The following SCUBE1 variants were observed in gnomAD, a reference collection of about 807,000 sequenced individuals.
The protein encoded by SCUBE1 is signal peptide, CUB and EGF-like domain-containing protein 1.
SCUBE1 carries 59 observed loss-of-function variants against 124.4 expected under a neutral mutation model. The observed-to-expected ratio is 0.47, with a 90% CI of 0.38 to 0.59. The LOEUF is 0.59. Ranked by LOEUF, SCUBE1 falls within the 20% of genes least tolerant of loss-of-function variation. The pLI, the probability that SCUBE1 is intolerant of heterozygous loss-of-function variation, is 0.00. For missense variants in SCUBE1, 1,150 were observed against 1,371.2 expected (o/e 0.84, Z 2.55); for synonymous variants, 545 against 550.9 (o/e 0.99, Z 0.15).
chr22:43,322,248 G>T (rs553873013), intron 2 of SCUBE1, among the ~76,000 whole-genome samples: 2 of 152,286 alleles, frequency 1.3e-5, no homozygotes, highest in South Asian at 2.1e-4. Context: ...CTCCCAAAGT[G>T]CTGGGATTAC....
At chr22:43,277,639 A>G (rs1387726741) in intron 4 of SCUBE1, among the ~76,000 whole-genome samples, 1 of 152,118 alleles carries the variant, frequency 6.6e-6, no homozygotes, top group South Asian at 2.1e-4. Flanking sequence ...TTCAGCCTCC[A>G]TTTGCTCACC....
intron 3 of SCUBE1, among the ~76,000 whole-genome samples, chr22:43,295,697 T>C (rs1925530629): frequency 6.6e-6 from 1 of 152,216 alleles, no homozygotes; most frequent in Admixed American, 6.5e-5. Context: ...CTCCTGGAAC[T>C]GCCTCCCCTC....
Position 43,297,480 on chromosome 22 carries a change from A to G in SCUBE1, c.350-6300T>C, listed in dbSNP as rs185434347. Among the ~76,000 whole-genome samples the G allele has an allele frequency of 8.3e-3, 1,262 of 151,804 alleles. 9 individuals carry two copies. The highest frequency in any genetic ancestry group is 0.014 in the Non-Finnish European group (921 of 67,940). ...TCAGCTGTGACTCTTGCCCATCTCC[A>G]CTCGGTCCTCACAGGCGCAGGCCAC... On this transcript the variant is annotated intron_variant, in intron 3 of 21. Coordinates refer to ENST00000360835, the MANE Select transcript of SCUBE1 (RefSeq NM_173050.5).
chr22:43,237,569 G>A (rs1244220855), intron 7 of SCUBE1: 1 of 152,256 alleles, frequency 6.6e-6, no homozygotes, highest in East Asian at 1.9e-4. Context: ...CTATTAACAG[G>A]CTGAGCGGTG....
chr22:43,236,089 A>G (rs1178470734), intron 7 of SCUBE1, among the ~76,000 whole-genome samples: 1 of 152,168 alleles, frequency 6.6e-6, no homozygotes, highest in Non-Finnish European at 1.5e-5. Context: ...TGGCTTTCAG[A>G]AAACGTGGAG....
chr22:43,330,264 G>A (rs1341170026), intron 2 of SCUBE1, among the ~76,000 whole-genome samples: 1 of 152,084 alleles, frequency 6.6e-6, no homozygotes, highest in South Asian at 2.1e-4. Flanking sequence ...GGACCAAAAT[G>A]CAGACCTCTA....
intron 4 of SCUBE1, among the ~76,000 whole-genome samples, chr22:43,263,120 C>A (rs1004456922): frequency 6.6e-6 from 1 of 152,156 alleles, no homozygotes; most frequent in Non-Finnish European, 1.5e-5. Flanking sequence ...ACCTCGTGAC[C>A]CACGGAGACC....
chr22:43,302,233 G>A (rs1925801399), intron 3 of SCUBE1, among the ~76,000 whole-genome samples: 1 of 152,190 alleles, frequency 6.6e-6, no homozygotes, highest in African/African-American at 2.4e-5. Context: ...AGTGCATGAC[G>A]GGATCCATGT....
In SCUBE1 at chr22:43,258,703, C is replaced by T. The variant is rs879779798; in HGVS notation, c.611-368G>A. Among the ~76,000 whole-genome samples the T allele has an allele frequency of 6.6e-6, 1 of 152,166 alleles. No homozygotes were observed. The highest frequency in any genetic ancestry group is 1.5e-5 in the Non-Finnish European group (1 of 68,022). On this transcript the variant is annotated intron_variant, in intron 5 of 21. Transcript: ENST00000360835. The surrounding 1 kb of genome is among the most constrained non-coding windows in gnomAD (Gnocchi z 5.0). ...CCTGTCTTGATGGGGCAAATGTTTG[C>T]CAATGCCAGGACATACTTGTCAAGC...
At chr22:43,242,570 G>A (rs1277962864) in intron 6 of SCUBE1, among the ~76,000 whole-genome samples, 2 of 152,252 alleles carry the variant, frequency 1.3e-5, no homozygotes, top group African/African-American at 4.8e-5. Context: ...CCTACCAGGG[G>A]CTGACATTAT....
In SCUBE1 at chr22:43,211,178, G is replaced by A. The variant is rs1282333615; in HGVS notation, c.2222-95C>T. ...TCCCCAGGACCTCTCATGCCCTCGAGGTCTGTTTTGGCACAGAGTTCAAGG... is the reference window on the plus strand; with the variant it reads ...TCCCCAGGACCTCTCATGCCCTCGAAGTCTGTTTTGGCACAGAGTTCAAGG... On this transcript the variant is annotated intron_variant, in intron 17 of 21. Transcript: ENST00000360835. This position sits in a 1 kb window ranked among gnomAD's most constrained non-coding sequence, Gnocchi z 4.5. 1 of 1,318,380 alleles carries A rather than the reference G, an allele frequency of 7.6e-7. No homozygotes were observed. Among genetic ancestry groups the A allele is most frequent in the Non-Finnish European group, 1.0e-6 (1 of 952,558 alleles). The allele number at this position is 1,318,380 out of a possible 1,614,324, so 81.7% of individuals were successfully genotyped here. A position where few individuals can be genotyped will look rare whatever the true frequency, so the allele number is the denominator to read the frequency against.
At chr22:43,240,110 G>C (rs1467035740) in intron 6 of SCUBE1, among the ~76,000 whole-genome samples, 4 of 152,128 alleles carry the variant, frequency 2.6e-5, no homozygotes, top group African/African-American at 9.7e-5. Context: ...TCCCCTCTGT[G>C]TGTGTGTGCG....
At chr22:43,250,218 C>T (rs1272508369) in intron 6 of SCUBE1, among the ~76,000 whole-genome samples, 5 of 152,244 alleles carry the variant, frequency 3.3e-5, no homozygotes, top group Admixed American at 3.3e-4. Flanking sequence ...TTTCCCTCTC[C>T]TCTGGACGCC....
At chr22:43,326,522 C>T (rs916462036) in intron 2 of SCUBE1, among the ~76,000 whole-genome samples, 9 of 152,088 alleles carry the variant, frequency 5.9e-5, no homozygotes, top group Non-Finnish European at 8.8e-5. Flanking sequence ...AGTAATGAGA[C>T]GCGCTCTCTG....
At chr22:43,285,760 T>C (rs1925114183) in intron 4 of SCUBE1, among the ~76,000 whole-genome samples, 2 of 152,128 alleles carry the variant, frequency 1.3e-5, no homozygotes, top group Non-Finnish European at 2.9e-5. Context: ...GCAGGTGTAC[T>C]CAAACCTCCG....
intron 2 of SCUBE1, among the ~76,000 whole-genome samples, chr22:43,331,545 T>C (rs1926902807): frequency 6.6e-6 from 1 of 152,228 alleles, no homozygotes; most frequent in Non-Finnish European, 1.5e-5. Context: ...GGGTCTTAGT[T>C]ATTTAAACAA....
chr22:43,228,760 G>A (rs996050892), intron 9 of SCUBE1, among the ~76,000 whole-genome samples: 6 of 152,172 alleles, frequency 3.9e-5, no homozygotes, highest in Non-Finnish European at 5.9e-5. Context: ...GAATTTCCAT[G>A]TATTGGTGCC....
intron 3 of SCUBE1, among the ~76,000 whole-genome samples, chr22:43,312,637 G>A (rs1926210952): frequency 6.6e-6 from 1 of 152,216 alleles, no homozygotes; most frequent in Non-Finnish European, 1.5e-5. Context: ...GATGTGAGGT[G>A]CCTAAACAAG....
At chr22:43,262,940 C>A in intron 4 of SCUBE1, 95 bp from the exon 5 acceptor site, 1 of 1,356,960 alleles carries the variant, frequency 7.4e-7, no homozygotes, top group South Asian at 1.3e-5. Flanking sequence ...TGATATGTAA[C>A]AATCAAATGG....
Sources: gnomAD v4.1 joint callset for allele counts (sites outside exome capture counted in the v4.1 genomes callset) on GRCh38, gnomAD v4.1.1 for gene constraint, Gnocchi (gnomAD v3.1) non-coding constraint, MANE v1.5 for transcripts, NCBI Gene and HGNC (gene_info 2026-07-23, HGNC 2026-07-21) for gene names.